The following LAMA3 variants were observed in gnomAD, a reference collection of about 807,000 sequenced individuals.
LAMA3 encodes the protein laminin subunit alpha-3.
In LAMA3, 281 loss-of-function variants were observed where a neutral mutation model predicts 402.0. The ratio of observed to expected loss-of-function variants is 0.70; its 90% CI spans 0.63 to 0.77. The LOEUF is 0.77. LAMA3 is among the 30% of genes least tolerant of loss of function. The probability of loss-of-function intolerance (pLI) is 0.00; values close to 1 mark genes in which losing one functional copy is unlikely to be tolerated. For synonymous variants in LAMA3, 1,431 were observed against 1,558.4 expected (o/e 0.92, Z 1.93); for missense variants, 3,840 against 4,215.5 (o/e 0.91, Z 2.47).
rs2144455240 is a variant in LAMA3 at position 23,826,806 on chromosome 18, G to A, written c.2669+7G>A. The A allele has an allele frequency of 6.5e-7, 1 of 1,544,742 alleles. No individual in the cohort carries two copies. Among genetic ancestry groups the A allele is most frequent in the Non-Finnish European group, 8.8e-7 (1 of 1,138,258 alleles). On this transcript the variant is annotated splice_region_variant and intron_variant, in intron 22 of 74. Transcript: ENST00000313654. ...CAGGACCTCCCCAAGAAAAGTCAGT[G>A]TGGGGCAGAAGGTGCAGCCGCATCA... is the stretch of plus-strand genomic sequence containing the variant.
chr18:23,858,172 A>G (rs565461648), intron 33 of LAMA3, among the ~76,000 whole-genome samples, 184 bp downstream of exon 33: 7 of 152,324 alleles, frequency 4.6e-5, no homozygotes, highest in Admixed American at 3.3e-4. Flanking sequence ...GACCCCTTTT[A>G]TCTTTTGGAG....
intron 59 of LAMA3, 152 bp from the exon 60 acceptor site, chr18:23,916,399 A>G: frequency 1.2e-6 from 1 of 827,056 alleles, no homozygotes; most frequent in Non-Finnish European, 2.0e-6. Flanking sequence ...TTAACATTTT[A>G]AAGATGTCTC....
intron 6 of LAMA3, among the ~76,000 whole-genome samples, chr18:23,756,055 TAGCTAA>T (rs780748610): frequency 2.5e-4 from 38 of 152,188 alleles, no homozygotes; most frequent in Non-Finnish European, 5.0e-4. Flanking sequence ...TCTTGTAGTC[TAGCTAA>T]TGTCAAATGT....
Position 23,823,101 on chromosome 18 carries a change from A to G in LAMA3, c.2428+726A>G, listed in dbSNP as rs80287558. On this transcript the variant is annotated intron_variant, in intron 20 of 74. Transcript: ENST00000313654. ...GTTAAGCATCCACGGTTCATTCAGA[A>G]TGGGGGAAGAAATGATGTCATTTCC... Among the ~76,000 whole-genome samples the G allele has an allele frequency of 5.8e-3, 878 of 152,328 alleles. 11 individuals are homozygous for G. Among genetic ancestry groups the G allele is most frequent in the African/African-American group, 0.02 (841 of 41,574 alleles).
Position 23,814,521 on chromosome 18 carries a change from A to G in LAMA3, c.1888+19A>G, listed in dbSNP as rs1568212331. Reference sequence around the variant, plus strand: ...TGTTCAGGTAGGTTTCTTATATGTCATAATTTACTATATTATAATGTTCTC... The same window carrying G: ...TGTTCAGGTAGGTTTCTTATATGTCGTAATTTACTATATTATAATGTTCTC... On this transcript the variant is annotated intron_variant, in intron 15 of 74. Transcript: ENST00000313654. The G allele has an allele frequency of 2.1e-6, 3 of 1,414,194 alleles. No homozygotes were observed. The highest frequency in any genetic ancestry group is 3.0e-6 in the Non-Finnish European group (3 of 998,006). The allele number at this position is 1,414,194 out of a possible 1,614,324, so 87.6% of individuals were successfully genotyped here.
intron 12 of LAMA3, among the ~76,000 whole-genome samples, chr18:23,797,022 T>C (rs1413050537): frequency 1.3e-5 from 2 of 152,110 alleles, no homozygotes; most frequent in African/African-American, 4.8e-5. Context: ...CTCTGCTGGA[T>C]TCTCTGTGGT....
chr18:23,884,701 T>C (rs1194233752), intron 40 of LAMA3, 72 bp from the exon 41 acceptor site: 1 of 1,339,732 alleles, frequency 7.5e-7, no homozygotes. Flanking sequence ...AGCCAGTCCT[T>C]TGTGGTAAAA....
At chr18:23,862,729 A>G (rs2064253535) in intron 35 of LAMA3, among the ~76,000 whole-genome samples, 1 of 152,182 alleles carries the variant, frequency 6.6e-6, no homozygotes, top group Non-Finnish European at 1.5e-5. Flanking sequence ...AGCAGTAATG[A>G]TTATCTTGGA....
chr18:23,747,542 C>T (rs924012873), intron 2 of LAMA3, among the ~76,000 whole-genome samples: 1 of 152,168 alleles, frequency 6.6e-6, no homozygotes, highest in African/African-American at 2.4e-5. Context: ...GGTTAGGACA[C>T]TGCTGGGAAA....
At chr18:23,897,398 T>A (rs1433595063) in intron 44 of LAMA3, among the ~76,000 whole-genome samples, 1 of 152,186 alleles carries the variant, frequency 6.6e-6, no homozygotes, top group East Asian at 1.9e-4. Flanking sequence ...GGAAAAGCAT[T>A]TATGTCTTGA....
At chr18:23,859,377 A>C (rs1017521053) in intron 34 of LAMA3, among the ~76,000 whole-genome samples, 1 of 152,208 alleles carries the variant, frequency 6.6e-6, no homozygotes, top group Non-Finnish European at 1.5e-5. Flanking sequence ...TGGAGGTGGC[A>C]TCAGACTGCA....
At chr18:23,778,372 A>G (rs1449331933) in intron 11 of LAMA3, among the ~76,000 whole-genome samples, 1 of 152,224 alleles carries the variant, frequency 6.6e-6, no homozygotes, top group Non-Finnish European at 1.5e-5. Context: ...AACCCAGATA[A>G]TAACATACAT....
intron 62 of LAMA3, among the ~76,000 whole-genome samples, chr18:23,922,231 G>A (rs546267122): frequency 2.6e-5 from 4 of 152,290 alleles, no homozygotes; most frequent in East Asian, 1.9e-4. Context: ...GATAGCTGAC[G>A]ATAGTGTGTG....
chr18:23,815,489 A>C lies in LAMA3; in HGVS notation c.1963A>C (p.Lys655Gln), dbSNP rs771093715. Residue 655 changes from lysine to glutamine, a missense_variant, in exon 17 of 75, where the codon AAG (lysine) becomes CAG (glutamine). Physicochemically the swap from Lys to Gln is moderately conservative, Grantham distance 53. Transcript: ENST00000313654. Reference protein sequence around the residue: ...CRQGDGDCHCKSHVGGDSCDT... With the variant: ...CRQGDGDCHCQSHVGGDSCDT... ...GCAGGGAGATGGTGACTGTCACTGC[A>C]AGTCCCATGTGGGTGGCGATTCCTG... The C allele has an allele frequency of 6.2e-7, 1 of 1,614,078 alleles. No individual in the cohort carries two copies. Among genetic ancestry groups the C allele is most frequent in the Non-Finnish European group, 8.5e-7 (1 of 1,179,930 alleles).
At position 23,954,677 on chromosome 18, in the gene LAMA3, C is replaced by T; in HGVS notation, c.*29C>T. ...AAGCCTATTTCACAGCAAGGAAATT[C>T]ACCTTCAAAAGCACTGATTACCCAA... On this transcript the variant is annotated 3_prime_UTR_variant, in exon 75 of 75. Coordinates refer to ENST00000313654, the MANE Select transcript of LAMA3 (RefSeq NM_198129.4). 1 of 1,612,794 alleles carries T rather than the reference C, an allele frequency of 6.2e-7. No homozygotes were observed. Among genetic ancestry groups the T allele is most frequent in the Non-Finnish European group, 8.5e-7 (1 of 1,178,810 alleles).
At chr18:23,840,945 A>G (rs539134799) in intron 27 of LAMA3, among the ~76,000 whole-genome samples, 15 of 152,336 alleles carry the variant, frequency 9.8e-5, no homozygotes, top group African/African-American at 3.4e-4. Context: ...TTTGAACGTT[A>G]TATCAGTGCT....
At chr18:23,907,319 C>A (rs899188392) in intron 52 of LAMA3, among the ~76,000 whole-genome samples, 10 of 152,090 alleles carry the variant, frequency 6.6e-5, no homozygotes, top group Admixed American at 3.9e-4. Flanking sequence ...TTCTTTCTTC[C>A]TGTGTATTTC....
In LAMA3 at chr18:23,894,963, C is replaced by T. The variant is rs765497582; in HGVS notation, c.5518C>T (p.Leu1840Phe). 1.2e-6 allele frequency: 2 copies of T among 1,614,138 alleles called. No homozygotes were observed. Among genetic ancestry groups the T allele is most frequent in the Admixed American group, 1.7e-5 (1 of 60,022 alleles). ...LNDLATMGEQLRLVKSQLQGL... is the reference protein window; with the variant it reads ...LNDLATMGEQFRLVKSQLQGL... ...CGACCTGGCCACCATGGGCGAGCAG[C>T]TCCGCCTGGTCAAGTCTCAGCTGCA... is the stretch of plus-strand genomic sequence containing the variant. Residue 1840 changes from leucine to phenylalanine, a missense_variant, in exon 44 of 75, where the codon CTC (leucine) becomes TTC (phenylalanine). Coordinates refer to ENST00000313654, the MANE Select transcript of LAMA3 (RefSeq NM_198129.4).
chr18:23,909,258 G>A lies in LAMA3; in HGVS notation c.7121G>A (p.Arg2374Gln), dbSNP rs563440658. The A allele has an allele frequency of 1.1e-4, 175 of 1,613,410 alleles. No homozygotes were observed. In the South Asian group the frequency reaches 1.7e-3, roughly 16 times the overall value. The stretch of plus-strand genomic sequence containing the variant: ...ATCTCTGACAACATGGACAGAATAC[G>A]AGAACTAATTCAGCAGGCCAGAGAT... ...GNISDNMDRI[R>Q]ELIQQARDAA... Residue 2374 changes from arginine (R) to glutamine (Q), a missense_variant, in exon 55 of 75, where the codon CGA (arginine) becomes CAA (glutamine). Around this residue, in one of 3 missense-constraint regions of LAMA3, gnomAD observed 891 missense variants for 857.5 expected, o/e 1.04. Coordinates refer to ENST00000313654, the MANE Select transcript of LAMA3 (RefSeq NM_198129.4).
Sources: gnomAD v4.1 joint callset for allele counts (sites outside exome capture counted in the v4.1 genomes callset) on GRCh38, gnomAD v4.1.1 for gene constraint, gnomAD v4.1.1 regional missense constraint, MANE v1.5 for transcripts, NCBI Gene and HGNC (gene_info 2026-07-23, HGNC 2026-07-21) for gene names.